Variants in GLG1 observed in about 807,000 individuals in gnomAD.
The protein encoded by GLG1 is Golgi apparatus protein 1.
Under a neutral mutation model 160.5 loss-of-function variants are expected in GLG1, and 38 were observed. The observed-to-expected ratio is 0.24, with a 90% confidence interval of 0.18 to 0.31. GLG1 has a LOEUF of 0.31. Among genes scored for constraint, GLG1 ranks in the 10% least tolerant of loss-of-function variants. GLG1 has a pLI of 1.00. For missense variants in GLG1, 1,373 were observed against 1,505.2 expected, an observed-to-expected ratio of 0.91 and a Z score of 1.45; for synonymous variants, 644 against 543.4, an observed-to-expected ratio of 1.19 and a Z score of -2.57.
intron 2 of GLG1, among the ~76,000 whole-genome samples, chr16:74,520,891 C>T (rs1037045097): frequency 1.3e-5 from 2 of 151,934 alleles, no homozygotes; most frequent in Non-Finnish European, 2.9e-5. Context: ...GAAATTTTAC[C>T]GACAGGCAGC....
At chr16:74,457,358 C>T (rs1229477744) in intron 24 of GLG1, among the ~76,000 whole-genome samples, 1 of 152,078 alleles carries the variant, frequency 6.6e-6, no homozygotes, top group Non-Finnish European at 1.5e-5. Flanking sequence ...GATCATGCCA[C>T]CACACTCCAG....
At chr16:74,550,807 A>C (rs2018178268) in intron 1 of GLG1, among the ~76,000 whole-genome samples, 1 of 152,198 alleles carries the variant, frequency 6.6e-6, no homozygotes, top group African/African-American at 2.4e-5. Context: ...AAATATACAG[A>C]AACAGCTTTT....
intron 1 of GLG1, among the ~76,000 whole-genome samples, chr16:74,551,578 A>G (rs2550804): frequency 2.7e-5 from 4 of 150,486 alleles, no homozygotes; most frequent in South Asian, 4.2e-4. Context: ...TCGGCCTCCC[A>G]AAGTGCTGGA....
rs775982562 is a variant in GLG1, at chr16:74,452,034, T to C, written c.*1133A>G. ...GCACAAAGGAGCTTGTCTGGGAAGT[T>C]TGTCTGGAGTGTGCAGAAAGGTCAG... On this transcript the variant is annotated 3_prime_UTR_variant, in exon 26 of 26. Transcript: ENST00000422840. 17 of 1,569,726 alleles carry C rather than the reference T, an allele frequency of 1.1e-5. No homozygotes were observed. In the South Asian group the frequency reaches 1.9e-4, roughly 17 times the overall value.
intron 1 of GLG1, among the ~76,000 whole-genome samples, chr16:74,560,933 C>T (rs902287768): frequency 4.0e-5 from 6 of 149,046 alleles, no homozygotes; most frequent in African/African-American, 1.5e-4. Flanking sequence ...GCTATAAAGG[C>T]ATAAAAATAT....
chr16:74,586,757 G>A (rs946242960), intron 1 of GLG1, among the ~76,000 whole-genome samples: 1 of 151,414 alleles, frequency 6.6e-6, no homozygotes, highest in Non-Finnish European at 1.5e-5. Context: ...AGAGTGCAGT[G>A]GCGTGATCTC....
At position 74,593,789 on chromosome 16, in the gene GLG1, G is replaced by C. The variant is rs935283670; in HGVS notation, c.438+12868C>G. Among the ~76,000 whole-genome samples the C allele has an allele frequency of 6.6e-5, 10 of 152,098 alleles. 1 individual carries two copies. In the South Asian group the frequency reaches 1.9e-3, roughly 28 times the overall value. On this transcript the variant is annotated intron_variant, in intron 1 of 25. Coordinates refer to ENST00000422840, the MANE Select transcript of GLG1 (RefSeq NM_001145667.2). ...TTTTGCTGTCATTTGTTTAAAACTT[G>C]TATTTCAATTGATGTAGAACTTACA...
chr16:74,494,640 C>T (rs1301053935), intron 6 of GLG1, 120 bp downstream of exon 6: 4 of 497,072 alleles, frequency 8.0e-6, no homozygotes, highest in African/African-American at 7.8e-5. Context: ...CTCCTGACCT[C>T]GTGATCCACC....
intron 2 of GLG1, among the ~76,000 whole-genome samples, chr16:74,513,482 G>A (rs978690249): frequency 5.3e-5 from 8 of 152,090 alleles, no homozygotes; most frequent in East Asian, 3.9e-4. Context: ...TGCAGCCTCC[G>A]CTGGTGATAC....
chr16:74,591,505 G>A (rs1277546075), intron 1 of GLG1, among the ~76,000 whole-genome samples: 3 of 151,778 alleles, frequency 2.0e-5, no homozygotes, highest in Non-Finnish European at 2.9e-5. Context: ...GCGGGTGCCC[G>A]TAGTCCCAGC....
intron 12 of GLG1, among the ~76,000 whole-genome samples, chr16:74,475,813 GAAGA>G (rs2015373881): frequency 6.6e-6 from 1 of 152,142 alleles, no homozygotes; most frequent in African/African-American, 2.4e-5. Flanking sequence ...GGAAGAAGAA[GAAGA>G]AATAAAAAAG....
intron 1 of GLG1, among the ~76,000 whole-genome samples, chr16:74,600,662 G>A (rs772644422): frequency 1.4e-4 from 20 of 147,304 alleles, no homozygotes; most frequent in Non-Finnish European, 2.7e-4. Context: ...AACCCAGGAG[G>A]CAGAGGTTGC....
Position 74,453,157 on chromosome 16 carries a change from C to A in GLG1, c.*10G>T. On this transcript the variant is annotated 3_prime_UTR_variant, in exon 26 of 26. Transcript: ENST00000422840. Reference sequence around the variant, plus strand: ...CTGGATAGGTAGTTCCTTTGGTGGTCAAGGTGGCTCTACCTGTCCTTGAGC... The same window carrying A: ...CTGGATAGGTAGTTCCTTTGGTGGTAAAGGTGGCTCTACCTGTCCTTGAGC... 1 of 1,612,696 alleles carries A rather than the reference C, an allele frequency of 6.2e-7. No homozygotes were observed. The highest frequency in any genetic ancestry group is 1.1e-5 in the South Asian group (1 of 90,874).
intron 4 of GLG1, among the ~76,000 whole-genome samples, chr16:74,500,073 T>C (rs2016351497): frequency 1.3e-5 from 2 of 152,216 alleles, no homozygotes; most frequent in Admixed American, 1.3e-4. Context: ...AACTTTCAGA[T>C]AAATATTTTT....
chr16:74,536,330 AT>A (rs960280346), intron 1 of GLG1, among the ~76,000 whole-genome samples: 16 of 152,056 alleles, frequency 1.1e-4, no homozygotes, highest in South Asian at 2.1e-4. Flanking sequence ...AAAACTGAGG[AT>A]TTTTTTTCTT....
chr16:74,498,868 C>CAAA (rs57372225), intron 4 of GLG1, among the ~76,000 whole-genome samples: 3,989 of 74,490 alleles, frequency 0.054, 432 homozygotes, highest in African/African-American at 0.088. Flanking sequence ...CCGTCTCAGG[C>CAAA]AAAAAAAAAA....
chr16:74,541,047 C>T (rs561986954), intron 1 of GLG1, among the ~76,000 whole-genome samples: 45 of 152,238 alleles, frequency 3.0e-4, no homozygotes, highest in South Asian at 1.0e-3. Flanking sequence ...ATTCTTCTGC[C>T]GGGTGTGGTG....
At chr16:74,592,545 G>A (rs1026254128) in intron 1 of GLG1, among the ~76,000 whole-genome samples, 2 of 152,000 alleles carry the variant, frequency 1.3e-5, no homozygotes, top group African/African-American at 2.4e-5. Flanking sequence ...TTAAGGCAGC[G>A]AACAAAAAGC....
intron 1 of GLG1, among the ~76,000 whole-genome samples, chr16:74,583,760 G>C (rs1269967741): frequency 6.6e-6 from 1 of 152,054 alleles, no homozygotes; most frequent in Non-Finnish European, 1.5e-5. Context: ...GACATATCCA[G>C]ACTCCAATTA....
Sources: gnomAD v4.1 joint callset for allele counts (sites outside exome capture counted in the v4.1 genomes callset) on GRCh38, gnomAD v4.1.1 for gene constraint, MANE v1.5 for transcripts, NCBI Gene and HGNC (gene_info 2026-07-23, HGNC 2026-07-21) for gene names.